The following C8orf89 variants were observed in gnomAD, a reference collection of about 807,000 sequenced individuals.
C8orf89 encodes the protein chromosome 8 open reading frame 89.
In C8orf89, 14 loss-of-function variants were observed where a neutral mutation model predicts 15.8. That is an observed-to-expected ratio of 0.89 (90% CI 0.59 to 1.39). The LOEUF is 1.39. Among genes scored for constraint, C8orf89 ranks in the 40% most tolerant of loss-of-function variants. The probability of loss-of-function intolerance (pLI) is 0.00; values close to 1 mark genes in which losing one functional copy is unlikely to be tolerated. For synonymous variants in C8orf89, 55 were observed against 62.2 expected, an observed-to-expected ratio of 0.88 and a Z score of 0.54; for missense variants, 181 against 184.5, an observed-to-expected ratio of 0.98 and a Z score of 0.11.
chr8:73,270,421 A>G, the C8orf89 span, among the ~76,000 whole-genome samples: 2 of 152,240 alleles, frequency 1.3e-5, no homozygotes, highest in African/African-American at 4.8e-5. Context: ...TAAGAGACCT[A>G]ATCCCCTAAT....
the C8orf89 span, among the ~76,000 whole-genome samples, chr8:73,268,837 C>T: frequency 2.0e-5 from 3 of 152,094 alleles, no homozygotes; most frequent in Non-Finnish European, 4.4e-5. Context: ...GTACATTGGG[C>T]CTTATTATAT....
At chr8:73,285,211 C>G in the C8orf89 span, among the ~76,000 whole-genome samples, 4 of 152,150 alleles carry the variant, frequency 2.6e-5, no homozygotes, top group Non-Finnish European at 5.9e-5. Flanking sequence ...AACACGTTCC[C>G]CCCACTCCAG....
At chr8:73,277,311 C>T in the C8orf89 span, 42 of 636,244 alleles carry the variant, frequency 6.6e-5, no homozygotes, top group South Asian at 5.1e-4. Context: ...ATCCAATGAA[C>T]GCAGATGAAT....
the C8orf89 span, among the ~76,000 whole-genome samples, chr8:73,274,666 C>T: frequency 3.3e-5 from 5 of 152,130 alleles, no homozygotes; most frequent in African/African-American, 4.8e-5. Context: ...GCTCCTTTTC[C>T]GGAAGCAACC....
chr8:73,242,540 A>C (rs1813029232), intron 3 of C8orf89, among the ~76,000 whole-genome samples: 1 of 152,224 alleles, frequency 6.6e-6, no homozygotes, highest in Non-Finnish European at 1.5e-5. Flanking sequence ...CGCAAACAGC[A>C]AACAGGCATA....
At chr8:73,243,598 C>T (rs1332587323) in intron 3 of C8orf89, among the ~76,000 whole-genome samples, 2 of 152,098 alleles carry the variant, frequency 1.3e-5, no homozygotes, top group African/African-American at 2.4e-5. Context: ...GGTGCAATCT[C>T]GGCTCACTGC....
At chr8:73,258,129 T>C (rs1476004204) in intron 1 of C8orf89, among the ~76,000 whole-genome samples, 7 of 152,166 alleles carry the variant, frequency 4.6e-5, no homozygotes, top group Admixed American at 2.0e-4. Flanking sequence ...CAAGAATTAT[T>C]GGCTGGGCGT....
chr8:73,282,966 C>T, the C8orf89 span, among the ~76,000 whole-genome samples: 1 of 152,104 alleles, frequency 6.6e-6, no homozygotes, highest in African/African-American at 2.4e-5. Flanking sequence ...AAAGTGAGTA[C>T]AGGATATCCA....
chr8:73,276,249 T>C, the C8orf89 span, among the ~76,000 whole-genome samples: 1 of 150,004 alleles, frequency 6.7e-6, no homozygotes, highest in Non-Finnish European at 1.5e-5. Context: ...CAATCTCGGC[T>C]CACTGCAACC....
At chr8:73,274,726 C>T in the C8orf89 span, among the ~76,000 whole-genome samples, 1 of 152,168 alleles carries the variant, frequency 6.6e-6, no homozygotes, top group Non-Finnish European at 1.5e-5. Flanking sequence ...TATATTTTAA[C>T]TGCACGTAGG....
chr8:73,248,071 G>A (rs1039903996), intron 3 of C8orf89, among the ~76,000 whole-genome samples: 3 of 151,946 alleles, frequency 2.0e-5, no homozygotes, highest in Admixed American at 6.6e-5. Flanking sequence ...TTATAGTTTT[G>A]GGTTTTACAT....
upstream of C8orf89, among the ~76,000 whole-genome samples, chr8:73,263,957 C>T (rs1413270144): frequency 2.6e-5 from 4 of 152,166 alleles, 1 homozygote; most frequent in Admixed American, 6.5e-5. Context: ...CCATACATCA[C>T]TTTGTCATAT....
chr8:73,242,382 G>A (rs775714453), intron 3 of C8orf89, among the ~76,000 whole-genome samples: 1 of 152,116 alleles, frequency 6.6e-6, no homozygotes, highest in Non-Finnish European at 1.5e-5. Context: ...GCTGAGGTGA[G>A]CAGATCCCTT....
the C8orf89 span, among the ~76,000 whole-genome samples, chr8:73,279,991 A>G: frequency 6.6e-6 from 1 of 152,236 alleles, no homozygotes; most frequent in Non-Finnish European, 1.5e-5. Flanking sequence ...ATCCTGAAGC[A>G]GAGCCAAGCT....
upstream of C8orf89, among the ~76,000 whole-genome samples, chr8:73,261,205 T>C (rs1233161206): frequency 1.3e-5 from 2 of 152,140 alleles, no homozygotes; most frequent in Non-Finnish European, 2.9e-5. Context: ...CAAACTCCCC[T>C]TCATATATAC....
upstream of C8orf89, among the ~76,000 whole-genome samples, chr8:73,263,470 C>T (rs932183321): frequency 4.6e-5 from 7 of 152,160 alleles, no homozygotes; most frequent in Non-Finnish European, 8.8e-5. Context: ...GCCGAGATCA[C>T]ACAACTGAAC....
chr8:73,243,951 G>A (rs566718388), intron 3 of C8orf89, among the ~76,000 whole-genome samples: 4 of 151,628 alleles, frequency 2.6e-5, no homozygotes, highest in African/African-American at 4.8e-5. Flanking sequence ...TCTAAAAACC[G>A]CAATTACTTT....
chr8:73,282,526 G>A, the C8orf89 span, among the ~76,000 whole-genome samples: 1 of 152,032 alleles, frequency 6.6e-6, no homozygotes, highest in South Asian at 2.1e-4. Context: ...TGGAGGGAGG[G>A]GTTCAGATAA....
the C8orf89 span, among the ~76,000 whole-genome samples, chr8:73,267,260 TAATAA>T: frequency 6.6e-6 from 1 of 152,206 alleles, no homozygotes; most frequent in Non-Finnish European, 1.5e-5. Context: ...CAACAGCTAA[TAATAA>T]AATAGAACAA....
Sources: gnomAD v4.1 joint callset for allele counts (sites outside exome capture counted in the v4.1 genomes callset) on GRCh38, gnomAD v4.1.1 for gene constraint, MANE v1.5 for transcripts, NCBI Gene and HGNC (gene_info 2026-07-23, HGNC 2026-07-21) for gene names.